Variants in GBE1 observed in about 807,000 individuals in gnomAD.
GBE1 encodes 1,4-alpha-glucan-branching enzyme.
Under a neutral mutation model 88.8 loss-of-function variants are expected in GBE1, and 70 were observed. The observed-to-expected ratio is 0.79, with a 90% CI of 0.65 to 0.96. GBE1 has a LOEUF of 0.96. Among genes scored for constraint, GBE1 ranks in the 40% least tolerant of loss-of-function variants. GBE1 has a pLI of 0.00. For missense variants in GBE1, 872 were observed against 871.0 expected (o/e 1.00, Z -0.01); for synonymous variants, 284 against 300.1 (o/e 0.95, Z 0.56).
intron 2 of GBE1, among the ~76,000 whole-genome samples, chr3:81,702,582 C>G (rs1313301037): frequency 6.6e-6 from 1 of 151,988 alleles, no homozygotes; most frequent in Admixed American, 6.6e-5. Flanking sequence ...ACATCTGCTG[C>G]TTTTCATGCC....
At chr3:81,631,601 G>T (rs997596743) in intron 7 of GBE1, among the ~76,000 whole-genome samples, 1 of 150,946 alleles carries the variant, frequency 6.6e-6, no homozygotes, top group African/African-American at 2.4e-5. Context: ...CAAAAAATTA[G>T]CCAGGTGTGG....
At chr3:81,509,015 T>TTATTTTGAG (rs1239569845) in intron 14 of GBE1, among the ~76,000 whole-genome samples, 8 of 152,142 alleles carry the variant, frequency 5.3e-5, no homozygotes, top group African/African-American at 1.7e-4. Flanking sequence ...AGTACTCAAA[T>TTATTTTGAG]TACTAGCTGC....
In GBE1 at chr3:81,581,545, T is replaced by A. The variant is rs887730746; in HGVS notation, c.1336-270A>T. Among the ~76,000 whole-genome samples, 4 of 151,966 alleles carry A rather than the reference T, an allele frequency of 2.6e-5. 1 individual carries two copies. Among genetic ancestry groups the A allele is most frequent in the African/African-American group, 9.7e-5 (4 of 41,404 alleles). On this transcript the variant is annotated intron_variant, in intron 10 of 15. Transcript: ENST00000429644. ...ACAGTTTAATCATTATATTTTAGGA[T>A]CTTTGCAACTATTTTTCTGTAATAA...
At chr3:81,750,613 A>ACG (rs1706502676) in intron 1 of GBE1, among the ~76,000 whole-genome samples, 5 of 76,480 alleles carry the variant, frequency 6.5e-5, no homozygotes, top group Admixed American at 3.1e-4. Flanking sequence ...GTATATATAT[A>ACG]TATGTATATA....
At chr3:81,590,178 C>T (rs533398019) in intron 9 of GBE1, among the ~76,000 whole-genome samples, 1 of 152,002 alleles carries the variant, frequency 6.6e-6, no homozygotes, top group African/African-American at 2.4e-5. Context: ...TAAAAACAGT[C>T]TATACAAAAA....
intron 1 of GBE1, among the ~76,000 whole-genome samples, chr3:81,744,390 TA>T (rs1180770993): frequency 1.3e-5 from 2 of 152,186 alleles, no homozygotes; most frequent in African/African-American, 4.8e-5. Context: ...TAGAAAAGTT[TA>T]AATTACCTGT....
chr3:81,749,876 G>A (rs2107231051), intron 1 of GBE1, among the ~76,000 whole-genome samples: 1 of 152,162 alleles, frequency 6.6e-6, no homozygotes, highest in East Asian at 1.9e-4. Flanking sequence ...GACTTTATAG[G>A]TACTTGGAAC....
chr3:81,690,795 G>A (rs964822874), intron 2 of GBE1, among the ~76,000 whole-genome samples: 10 of 151,704 alleles, frequency 6.6e-5, no homozygotes, highest in Admixed American at 2.6e-4. Flanking sequence ...TTATCATCTT[G>A]CTGTTTTCCT....
At chr3:81,728,042 G>T (rs888440602) in intron 1 of GBE1, among the ~76,000 whole-genome samples, 12 of 152,136 alleles carry the variant, frequency 7.9e-5, no homozygotes, top group African/African-American at 2.4e-4. Context: ...AATAAAAATT[G>T]GTTGCCTGGC....
chr3:81,615,165 T>C (rs1704232256), intron 7 of GBE1, among the ~76,000 whole-genome samples: 2 of 152,206 alleles, frequency 1.3e-5, no homozygotes, highest in Non-Finnish European at 2.9e-5. Context: ...TAATCGTGGG[T>C]ATATTTTCTT....
intron 14 of GBE1, among the ~76,000 whole-genome samples, chr3:81,502,892 C>T (rs1276910964): frequency 4.6e-5 from 7 of 152,232 alleles, no homozygotes; most frequent in East Asian, 1.9e-4. Context: ...AAACTACCTT[C>T]GTTATATGGT....
At chr3:81,553,380 T>C (rs904840895) in intron 12 of GBE1, among the ~76,000 whole-genome samples, 1 of 152,068 alleles carries the variant, frequency 6.6e-6, no homozygotes, top group African/African-American at 2.4e-5. Context: ...CATTATGCTG[T>C]GTTTTGTATG....
At chr3:81,623,916 C>G (rs1704366803) in intron 7 of GBE1, among the ~76,000 whole-genome samples, 5 of 152,150 alleles carry the variant, frequency 3.3e-5, no homozygotes, top group Admixed American at 3.3e-4. Context: ...AGCATTCTTC[C>G]TGTCTTGGCC....
At chr3:81,747,385 A>C (rs990620606) in intron 1 of GBE1, among the ~76,000 whole-genome samples, 4 of 152,218 alleles carry the variant, frequency 2.6e-5, no homozygotes, top group African/African-American at 9.6e-5. Flanking sequence ...ATGAACTCTC[A>C]AAACACAAAA....
At chr3:81,610,234 A>T (rs557628511) in intron 7 of GBE1, among the ~76,000 whole-genome samples, 1 of 152,198 alleles carries the variant, frequency 6.6e-6, no homozygotes. Flanking sequence ...ATCATCATCC[A>T]AGGATACAAC....
chr3:81,625,708 C>G (rs1252003113), intron 7 of GBE1, among the ~76,000 whole-genome samples: 1 of 152,148 alleles, frequency 6.6e-6, no homozygotes, highest in African/African-American at 2.4e-5. Flanking sequence ...TCCCAAAGTG[C>G]TGAGATTACA....
At chr3:81,566,430 T>G (rs1703496103) in intron 12 of GBE1, among the ~76,000 whole-genome samples, 1 of 152,136 alleles carries the variant, frequency 6.6e-6, no homozygotes. Context: ...GCTAGTACTT[T>G]CAAAATCCTT....
intron 3 of GBE1, among the ~76,000 whole-genome samples, chr3:81,652,502 T>G (rs1200249219): frequency 1.3e-5 from 2 of 152,226 alleles, no homozygotes; most frequent in African/African-American, 4.8e-5. Context: ...GAGTGGAGTA[T>G]TTTAATTTCT....
Position 81,704,276 on chromosome 3 carries a change from T to C in GBE1, c.313+1168A>G, listed in dbSNP as rs545868055. On this transcript the variant is annotated intron_variant, in intron 2 of 15. Coordinates refer to ENST00000429644, the MANE Select transcript of GBE1 (RefSeq NM_000158.4). Reference sequence around the variant, plus strand: ...GCATTTTATTTCTGTTGGACAGTGCTGTCTTAGACAATGCATATTAATATA... The same window carrying C: ...GCATTTTATTTCTGTTGGACAGTGCCGTCTTAGACAATGCATATTAATATA... Among the ~76,000 whole-genome samples, 3 of 152,230 alleles carry C rather than the reference T, an allele frequency of 2.0e-5. No individual in the cohort carries two copies. In the South Asian group the frequency reaches 6.2e-4, roughly 32 times the overall value.
Sources: gnomAD v4.1 joint callset for allele counts (sites outside exome capture counted in the v4.1 genomes callset) on GRCh38, gnomAD v4.1.1 for gene constraint, MANE v1.5 for transcripts, NCBI Gene and HGNC (gene_info 2026-07-23, HGNC 2026-07-21) for gene names.